Variants in CMIP observed in about 807,000 individuals in gnomAD.
CMIP encodes the protein C-Maf-inducing protein.
In CMIP, 13 loss-of-function variants were observed where a neutral mutation model predicts 97.3. The ratio of observed to expected loss-of-function variants is 0.13; its 90% CI spans 0.09 to 0.21. CMIP has a LOEUF of 0.21. Among genes scored for constraint, CMIP ranks in the 10% least tolerant of loss-of-function variants. The pLI is 1.00. For missense variants in CMIP, 847 were observed against 1,024.9 expected, an observed-to-expected ratio of 0.83 and a Z score of 2.37; for synonymous variants, 538 against 436.3, an observed-to-expected ratio of 1.23 and a Z score of -2.91.
intron 3 of CMIP, among the ~76,000 whole-genome samples, chr16:81,628,660 A>G (rs954378560): frequency 1.3e-5 from 2 of 152,048 alleles, no homozygotes; most frequent in African/African-American, 4.8e-5. Flanking sequence ...CCAACTGTAC[A>G]TGCATGCATG....
intron 1 of CMIP, among the ~76,000 whole-genome samples, chr16:81,598,153 C>T (rs1406875443): frequency 6.6e-6 from 1 of 152,068 alleles, no homozygotes; most frequent in Non-Finnish European, 1.5e-5. Context: ...GTTTTGGAAA[C>T]TGGCACACGC....
At chr16:81,543,338 G>C (rs985215683) in intron 1 of CMIP, among the ~76,000 whole-genome samples, 13 of 152,168 alleles carry the variant, frequency 8.5e-5, no homozygotes, top group African/African-American at 3.1e-4. Flanking sequence ...AGCGCTCTTT[G>C]TTGGTCCCGT....
At chr16:81,618,032 A>G (rs1426947183) in intron 2 of CMIP, among the ~76,000 whole-genome samples, 1 of 151,830 alleles carries the variant, frequency 6.6e-6, no homozygotes, top group Non-Finnish European at 1.5e-5. Flanking sequence ...TCCACTGTGG[A>G]CCCTCAGAGC....
At chr16:81,586,495 C>G (rs1017851030) in intron 1 of CMIP, among the ~76,000 whole-genome samples, 1 of 152,152 alleles carries the variant, frequency 6.6e-6, no homozygotes. Context: ...GTCTCCCGTA[C>G]TAGGAGAATT....
rs899749503 is a variant in CMIP, at chr16:81,453,504, A to G, written c.300+7963A>G. On this transcript the variant is annotated intron_variant, in intron 1 of 20. Coordinates refer to ENST00000537098, the MANE Select transcript of CMIP (RefSeq NM_198390.3). This position sits in a 1 kb window ranked among gnomAD's most constrained non-coding sequence, Gnocchi z 4.0. ...GAGGTCCAGGATATCTGAAAATTGG[A>G]GCACACAGTCTGAGCAGACCCAGGC... Among the ~76,000 whole-genome samples the G allele has an allele frequency of 6.6e-6, 1 of 152,108 alleles. No individual in the cohort carries two copies. Among genetic ancestry groups the G allele is most frequent in the Non-Finnish European group, 1.5e-5 (1 of 68,002 alleles).
intron 1 of CMIP, among the ~76,000 whole-genome samples, chr16:81,546,845 A>G (rs546936040): frequency 6.6e-6 from 1 of 152,320 alleles, no homozygotes; most frequent in Non-Finnish European, 1.5e-5. Context: ...AGACCAAAGT[A>G]AAAATTCAGC....
At chr16:81,485,536 A>G (rs1269436176) in intron 1 of CMIP, among the ~76,000 whole-genome samples, 1 of 152,200 alleles carries the variant, frequency 6.6e-6, no homozygotes, top group Non-Finnish European at 1.5e-5. Context: ...GAGAATTCCC[A>G]TTCGGAAGAC....
chr16:81,610,445 A>AGGC lies in CMIP; in HGVS notation c.426+2757_426+2759dup, dbSNP rs2091812421. 3.0e-6 allele frequency: 3 copies of AGGC among 985,932 alleles called. No individual in the cohort carries two copies. The South Asian group carries it at 1.4e-4, about 46-fold the overall frequency. 61.1% of individuals were successfully genotyped at this position (985,932 alleles called of 1,614,324 possible). A position where few individuals can be genotyped will look rare whatever the true frequency, so the allele number is the denominator to read the frequency against. ...GAAGCAGAGGAAAAGGAGGAGGAGG[A>AGGC]GGCGGCTTGCAACTCCTCAGATCCA... On this transcript the variant is annotated intron_variant, in intron 2 of 20. Coordinates refer to ENST00000537098, the MANE Select transcript of CMIP (RefSeq NM_198390.3).
chr16:81,709,056 A>T (rs920757784), intron 20 of CMIP, among the ~76,000 whole-genome samples: 3 of 152,206 alleles, frequency 2.0e-5, no homozygotes, highest in Non-Finnish European at 4.4e-5. Flanking sequence ...CCAACTGTTC[A>T]TAAAGAAAAG....
intron 19 of CMIP, among the ~76,000 whole-genome samples, chr16:81,706,271 C>T (rs547186332): frequency 6.6e-6 from 1 of 152,274 alleles, no homozygotes; most frequent in East Asian, 1.9e-4. Context: ...AAAAGGCTTC[C>T]CGGGGAGGTG....
intron 1 of CMIP, among the ~76,000 whole-genome samples, chr16:81,492,815 G>T (rs2089426136): frequency 6.6e-6 from 1 of 152,092 alleles, no homozygotes; most frequent in South Asian, 2.1e-4. Flanking sequence ...AGTTGTCGTG[G>T]GGGGTCGGGG....
At chr16:81,684,185 C>T (rs1041241133) in intron 10 of CMIP, among the ~76,000 whole-genome samples, 2 of 151,938 alleles carry the variant, frequency 1.3e-5, no homozygotes, top group African/African-American at 4.8e-5. Flanking sequence ...ATGGGATGAC[C>T]GCACAGGTGG....
intron 1 of CMIP, among the ~76,000 whole-genome samples, chr16:81,474,290 C>G (rs1048879719): frequency 6.6e-6 from 1 of 151,922 alleles, no homozygotes; most frequent in Admixed American, 6.6e-5. Flanking sequence ...CTGACTTACC[C>G]TCCCTCCCTC....
chr16:81,682,718 C>A (rs950888683), intron 10 of CMIP, among the ~76,000 whole-genome samples: 2 of 152,228 alleles, frequency 1.3e-5, no homozygotes, highest in African/African-American at 4.8e-5. Flanking sequence ...GTTTCCCGCT[C>A]CACTGCCAGG....
chr16:81,649,375 CT>C (rs1186447353), intron 3 of CMIP, among the ~76,000 whole-genome samples: 1 of 152,266 alleles, frequency 6.6e-6, no homozygotes, highest in Non-Finnish European at 1.5e-5. Context: ...GTGTCTGAAA[CT>C]GCGTTGGTGC....
At chr16:81,636,234 C>A (rs182625040) in intron 3 of CMIP, among the ~76,000 whole-genome samples, 1 of 152,188 alleles carries the variant, frequency 6.6e-6, no homozygotes, top group East Asian at 1.9e-4. Flanking sequence ...ATCTACTAGA[C>A]CACTGAAAAG....
chr16:81,563,298 AC>A (rs1327099430), intron 1 of CMIP, among the ~76,000 whole-genome samples: 1 of 152,174 alleles, frequency 6.6e-6, no homozygotes, highest in African/African-American at 2.4e-5. Context: ...ATGGGCTCAT[AC>A]CTTGGAGCCA....
intron 18 of CMIP, 82 bp from the exon 19 acceptor site, chr16:81,705,417 C>A: frequency 9.7e-7 from 1 of 1,035,480 alleles, no homozygotes. Flanking sequence ...GTCCCCATCC[C>A]TTTCCTCCAC....
intron 1 of CMIP, among the ~76,000 whole-genome samples, chr16:81,549,617 C>A (rs1275197581): frequency 6.6e-6 from 1 of 152,064 alleles, no homozygotes; most frequent in Admixed American, 6.5e-5. Flanking sequence ...GGGGCTGAGA[C>A]CTCCTCTTTA....
Sources: allele counts gnomAD v4.1 joint callset (sites outside exome capture counted in the v4.1 genomes callset), GRCh38; gene constraint gnomAD v4.1.1; non-coding constraint Gnocchi (gnomAD v3.1); transcripts MANE v1.5; gene names NCBI Gene and HGNC (gene_info 2026-07-23, HGNC 2026-07-21).